Variants in KLHL29 observed in about 807,000 individuals in gnomAD.
KLHL29 encodes kelch-like protein 29.
Under a neutral mutation model 80.4 loss-of-function variants are expected in KLHL29, and 21 were observed. That is an observed-to-expected ratio of 0.26 (90% CI 0.19 to 0.38). The LOEUF is 0.38. Ranked by LOEUF, KLHL29 falls within the 10% of genes least tolerant of loss-of-function variation. KLHL29 has a pLI of 1.00. For missense variants in KLHL29, 867 were observed against 1,223.9 expected, an observed-to-expected ratio of 0.71 and a Z score of 4.35; for synonymous variants, 511 against 526.8, an observed-to-expected ratio of 0.97 and a Z score of 0.41.
chr2:23,403,574 T>C (rs1054569713), intron 1 of KLHL29, among the ~76,000 whole-genome samples: 5 of 152,174 alleles, frequency 3.3e-5, no homozygotes, highest in African/African-American at 1.2e-4. Flanking sequence ...AGTGGTCACA[T>C]GTACCTGTAA....
intron 3 of KLHL29, among the ~76,000 whole-genome samples, chr2:23,563,046 G>T (rs1667491369): frequency 6.6e-6 from 1 of 152,176 alleles, no homozygotes. Context: ...GGGCTCAGTA[G>T]GCCTTCTAAG....
chr2:23,500,804 G>C (rs1665415650), intron 2 of KLHL29, among the ~76,000 whole-genome samples: 1 of 152,196 alleles, frequency 6.6e-6, no homozygotes, highest in Non-Finnish European at 1.5e-5. Context: ...ATTTATAAAA[G>C]AGAAATCAGG....
chr2:23,524,367 A>T, intron 2 of KLHL29: 1 of 181,540 alleles, frequency 5.5e-6, no homozygotes, highest in South Asian at 1.2e-4. Context: ...CAGGCCAGGA[A>T]ATACCTTTAG....
At chr2:23,494,429 G>T (rs1309490391) in intron 2 of KLHL29, among the ~76,000 whole-genome samples, 1 of 152,214 alleles carries the variant, frequency 6.6e-6, no homozygotes, top group Non-Finnish European at 1.5e-5. Flanking sequence ...GCTTTCCTGT[G>T]ACCTTAAGGA....
At chr2:23,594,082 G>A (rs930654049) in intron 3 of KLHL29, among the ~76,000 whole-genome samples, 14 of 152,206 alleles carry the variant, frequency 9.2e-5, no homozygotes. Context: ...GAAAGGCTGG[G>A]TGTGGCAGCC....
At position 23,484,877 on chromosome 2, in the gene KLHL29, A is replaced by T. The variant is rs566888604; in HGVS notation, c.-46+9210A>T. Among the ~76,000 whole-genome samples, 28 of 151,954 alleles carry T rather than the reference A, an allele frequency of 1.8e-4. No individual in the cohort carries two copies. In the South Asian group the frequency reaches 5.2e-3, roughly 28 times the overall value. On this transcript the variant is annotated intron_variant, in intron 2 of 13. Coordinates refer to ENST00000486442, the MANE Select transcript of KLHL29 (RefSeq NM_052920.2). ...TGACCTACCTGAGTGTTCATATCCC[A>T]CCTTGGGGCACTTGGTCCCGCTGAG...
At chr2:23,651,635 C>T (rs1263576854) in intron 5 of KLHL29, among the ~76,000 whole-genome samples, 1 of 152,218 alleles carries the variant, frequency 6.6e-6, no homozygotes, top group Non-Finnish European at 1.5e-5. Flanking sequence ...TTGAGCATCA[C>T]ACTGTAGATA....
chr2:23,633,281 A>G (rs974496642), intron 3 of KLHL29, among the ~76,000 whole-genome samples: 5 of 152,188 alleles, frequency 3.3e-5, no homozygotes, highest in Admixed American at 1.3e-4. Flanking sequence ...GTGTTAGGGA[A>G]CTGCTGCACT....
rs965315737 is a variant in KLHL29 at position 23,682,893 on chromosome 2, C to T, written c.941-1506C>T. Among the ~76,000 whole-genome samples the T allele has an allele frequency of 0.012, 1 of 84 alleles. No individual in the cohort carries two copies. The highest frequency in any genetic ancestry group is 0.071 in the African/African-American group (1 of 14). 0.1% of individuals were successfully genotyped at this position (84 alleles called of 152,430 possible). A position where few individuals can be genotyped will look rare whatever the true frequency, so the allele number is the denominator to read the frequency against. On this transcript the variant is annotated intron_variant, in intron 5 of 13. Transcript: ENST00000486442. The surrounding 1 kb of genome is among the most constrained non-coding windows in gnomAD (Gnocchi z 4.1). ...GGGTTGGCGGGGTCAGTGATTCGGCCTTGCCATGGCTCCCAGAGGGCAGGG... is the reference window on the plus strand; with the variant it reads ...GGGTTGGCGGGGTCAGTGATTCGGCTTTGCCATGGCTCCCAGAGGGCAGGG...
At chr2:23,560,207 T>TG (rs1667412319) in intron 2 of KLHL29, among the ~76,000 whole-genome samples, 1 of 149,046 alleles carries the variant, frequency 6.7e-6, no homozygotes, top group Non-Finnish European at 1.5e-5. Context: ...AAAGTTTATG[T>TG]GGGGAGATCA....
chr2:23,676,526 C>T lies in KLHL29; in HGVS notation c.941-7873C>T, dbSNP rs946486579. Among the ~76,000 whole-genome samples, 6 of 152,302 alleles carry T rather than the reference C, an allele frequency of 3.9e-5. 1 individual carries two copies. Among genetic ancestry groups the T allele is most frequent in the Middle Eastern group, 3.4e-3 (1 of 294 alleles). On this transcript the variant is annotated intron_variant, in intron 5 of 13. Coordinates refer to ENST00000486442, the MANE Select transcript of KLHL29 (RefSeq NM_052920.2). The stretch of plus-strand genomic sequence containing the variant: ...AGGCTTACAGCCAGCCATGGTGGCT[C>T]ACACCTGTAATCCCAATGCTTTGAG...
chr2:23,618,608 A>C (rs12623405), intron 3 of KLHL29, among the ~76,000 whole-genome samples: 28,625 of 152,082 alleles, frequency 0.19, 3,655 homozygotes, highest in African/African-American at 0.33. Flanking sequence ...GAACTATACC[A>C]GTTCCCGCTC....
intron 1 of KLHL29, among the ~76,000 whole-genome samples, chr2:23,444,215 A>G (rs1367822388): frequency 6.6e-6 from 1 of 152,216 alleles, no homozygotes; most frequent in African/African-American, 2.4e-5. Context: ...AGAGCTAGGA[A>G]ACATAGTTAA....
At chr2:23,703,938 C>A in intron 13 of KLHL29, 75 bp downstream of exon 13, 1 of 1,436,732 alleles carries the variant, frequency 7.0e-7, no homozygotes, top group Non-Finnish European at 9.3e-7. Flanking sequence ...ACAATGATTT[C>A]CTGCCATCAG....
chr2:23,655,730 G>T (rs1670225529), intron 5 of KLHL29, among the ~76,000 whole-genome samples: 1 of 152,172 alleles, frequency 6.6e-6, no homozygotes, highest in Admixed American at 6.5e-5. Flanking sequence ...TTCAAAAATG[G>T]CCACTGCACA....
chr2:23,386,984 G>A (rs1288854156), intron 1 of KLHL29, among the ~76,000 whole-genome samples: 2 of 152,148 alleles, frequency 1.3e-5, no homozygotes, highest in Non-Finnish European at 2.9e-5. Context: ...CGGCAGACGC[G>A]GTCCGTTGGC....
At chr2:23,515,085 A>G (rs1665881597) in intron 2 of KLHL29, among the ~76,000 whole-genome samples, 1 of 152,182 alleles carries the variant, frequency 6.6e-6, no homozygotes, top group African/African-American at 2.4e-5. Context: ...TTGTTAATGA[A>G]TTAATGAACT....
chr2:23,572,711 T>C (rs1365659565), intron 3 of KLHL29, among the ~76,000 whole-genome samples: 9 of 151,424 alleles, frequency 5.9e-5, no homozygotes, highest in African/African-American at 2.2e-4. Flanking sequence ...TTTTTTTTTT[T>C]TTTTTTTGAG....
At chr2:23,600,496 C>T (rs1366680328) in intron 3 of KLHL29, among the ~76,000 whole-genome samples, 13 of 152,216 alleles carry the variant, frequency 8.5e-5, no homozygotes, top group East Asian at 1.9e-4. Flanking sequence ...CATCCTCCAG[C>T]GTAATGAGCA....
Sources: gnomAD v4.1 joint callset for allele counts (sites outside exome capture counted in the v4.1 genomes callset) on GRCh38, gnomAD v4.1.1 for gene constraint, Gnocchi (gnomAD v3.1) non-coding constraint, MANE v1.5 for transcripts, NCBI Gene and HGNC (gene_info 2026-07-23, HGNC 2026-07-21) for gene names.